Variants in SLC9A2 observed in about 807,000 individuals in gnomAD.
SLC9A2 encodes solute carrier family 9 member A2.
SLC9A2 carries 42 observed loss-of-function variants against 71.7 expected under a neutral mutation model. That is an observed-to-expected ratio of 0.59 (90% CI 0.46 to 0.76). The LOEUF is 0.76. SLC9A2 is among the 30% of genes least tolerant of loss of function. The probability of loss-of-function intolerance (pLI) is 0.00; values close to 1 mark genes in which losing one functional copy is unlikely to be tolerated. For missense variants in SLC9A2, 829 were observed against 1,017.4 expected (o/e 0.81, Z 2.52); for synonymous variants, 396 against 392.5 (o/e 1.01, Z -0.10).
In SLC9A2 at chr2:102,684,122, C is replaced by G. The variant is rs1677505243; in HGVS notation, c.1223-12C>G. 1 of 1,611,466 alleles carries G rather than the reference C, an allele frequency of 6.2e-7. No homozygotes were observed. Among genetic ancestry groups the G allele is most frequent in the Non-Finnish European group, 8.5e-7 (1 of 1,178,086 alleles). The stretch of plus-strand genomic sequence containing the variant: ...CCCAGTCTGTTTCCTCTTGGGTTTT[C>G]TTTCTTTGCAGGTGTTTTTGTCCTG... On this transcript the variant is annotated splice_polypyrimidine_tract_variant and intron_variant, in intron 4 of 11. Coordinates refer to ENST00000233969, the MANE Select transcript of SLC9A2 (RefSeq NM_003048.6).
At chr2:102,672,196 A>G (rs1677265614) in intron 3 of SLC9A2, among the ~76,000 whole-genome samples, 1 of 152,204 alleles carries the variant, frequency 6.6e-6, no homozygotes, top group African/African-American at 2.4e-5. Context: ...ATATCTCATT[A>G]GTAATTTCTA....
At chr2:102,696,843 A>G (rs1192908836) in intron 7 of SLC9A2, among the ~76,000 whole-genome samples, 2 of 152,146 alleles carry the variant, frequency 1.3e-5, no homozygotes, top group South Asian at 2.1e-4. Flanking sequence ...CTCCATTGTA[A>G]AACTATTTTT....
chr2:102,699,758 G>T (rs1677839511), intron 7 of SLC9A2, among the ~76,000 whole-genome samples: 1 of 152,132 alleles, frequency 6.6e-6, no homozygotes, highest in South Asian at 2.1e-4. Flanking sequence ...AGACAGCAAG[G>T]TGTCAGCAGG....
intron 5 of SLC9A2, among the ~76,000 whole-genome samples, chr2:102,687,594 C>A (rs982701485): frequency 5.3e-5 from 8 of 152,074 alleles, no homozygotes; most frequent in Non-Finnish European, 1.0e-4. Flanking sequence ...TAAGCTCTTC[C>A]AACCTGGTAC....
intron 1 of SLC9A2, among the ~76,000 whole-genome samples, chr2:102,651,618 T>C (rs796224322): frequency 1.3e-4 from 20 of 152,336 alleles, no homozygotes; most frequent in African/African-American, 4.8e-4. Context: ...AAAAGGATTC[T>C]CTCACTGCTC....
chr2:102,629,415 G>C (rs866523239), intron 1 of SLC9A2, among the ~76,000 whole-genome samples: 4 of 151,846 alleles, frequency 2.6e-5, no homozygotes, highest in Admixed American at 6.6e-5. Context: ...ACATTTTCCA[G>C]ATGTATATTT....
intron 2 of SLC9A2, among the ~76,000 whole-genome samples, chr2:102,661,966 G>A (rs977494765): frequency 3.9e-5 from 6 of 152,246 alleles, no homozygotes; most frequent in African/African-American, 1.4e-4. Flanking sequence ...ATGTGGTTTC[G>A]GCCAGTTGTA....
intron 4 of SLC9A2, 128 bp from the exon 5 acceptor site, chr2:102,684,006 G>T: frequency 1.5e-6 from 1 of 674,074 alleles, no homozygotes. Context: ...CAGAGAAAAA[G>T]GGGAAAGACT....
At chr2:102,707,291 C>A (rs911763165) in intron 11 of SLC9A2, among the ~76,000 whole-genome samples, 6 of 115,474 alleles carry the variant, frequency 5.2e-5, no homozygotes, top group Non-Finnish European at 1.1e-4. Flanking sequence ...AAATCATTAC[C>A]CCTCTTTTTT....
chr2:102,681,899 G>C (rs4851022), intron 3 of SLC9A2, among the ~76,000 whole-genome samples: 29,718 of 152,118 alleles, frequency 0.2, 3,373 homozygotes, highest in East Asian at 0.38. Context: ...GTGGTGACCT[G>C]TTTAGGTTTT....
intron 1 of SLC9A2, among the ~76,000 whole-genome samples, chr2:102,638,193 T>TC (rs1676507303): frequency 1.1e-3 from 3 of 2,688 alleles, no homozygotes; most frequent in Admixed American, 9.9e-3. Context: ...TGCTTCAGAC[T>TC]TTTCATGTTA....
At chr2:102,656,057 C>T (rs1445726730) in intron 1 of SLC9A2, among the ~76,000 whole-genome samples, 1 of 152,246 alleles carries the variant, frequency 6.6e-6, no homozygotes, top group Non-Finnish European at 1.5e-5. Flanking sequence ...AGAGGGGGGA[C>T]AGCCAAAGCG....
Position 102,708,832 on chromosome 2 carries a change from T to C in SLC9A2, c.*343T>C, listed in dbSNP as rs1251503898. On this transcript the variant is annotated 3_prime_UTR_variant, in exon 12 of 12. Transcript: ENST00000233969. ...GGTGAAGATTTTAATATATTACTTA[T>C]ATGCTTCAAATTTTATTTATGAAAA... 1.3e-5 allele frequency: 3 copies of C among 225,138 alleles called. No individual in the cohort carries two copies. Among genetic ancestry groups the C allele is most frequent in the Non-Finnish European group, 2.6e-5 (3 of 114,376 alleles). 13.9% of individuals were successfully genotyped at this position (225,138 alleles called of 1,614,324 possible). A position where few individuals can be genotyped will look rare whatever the true frequency, so the allele number is the denominator to read the frequency against.
intron 1 of SLC9A2, among the ~76,000 whole-genome samples, chr2:102,623,902 G>C (rs1676192840): frequency 6.6e-6 from 1 of 151,892 alleles, no homozygotes; most frequent in Admixed American, 6.6e-5. Context: ...ATTCAGAATA[G>C]TTTTCTAATA....
intron 5 of SLC9A2, 41 bp downstream of exon 5, chr2:102,684,377 C>T (rs551262624): frequency 2.6e-6 from 4 of 1,553,008 alleles, no homozygotes; most frequent in Admixed American, 1.7e-5. Flanking sequence ...TAAAAAATAT[C>T]GTTCAGAATA....
In SLC9A2 at chr2:102,682,854, C is replaced by T. The variant is rs146138196; in HGVS notation, c.1005-407C>T. ...AGTTTAGGATTTTATACAATAGAATCCTTTTAGATAATAGAGGAACAGGGC... is the reference window on the plus strand; with the variant it reads ...AGTTTAGGATTTTATACAATAGAATTCTTTTAGATAATAGAGGAACAGGGC... On this transcript the variant is annotated intron_variant, in intron 3 of 11. Coordinates refer to ENST00000233969, the MANE Select transcript of SLC9A2 (RefSeq NM_003048.6). 9.2e-3 allele frequency among the ~76,000 whole-genome samples: 1,394 copies of T among 152,178 alleles called. 30 individuals are homozygous for T. Among genetic ancestry groups the T allele is most frequent in the African/African-American group, 0.033 (1,350 of 41,500 alleles).
chr2:102,652,053 C>T (rs1676846919), intron 1 of SLC9A2, among the ~76,000 whole-genome samples: 1 of 152,166 alleles, frequency 6.6e-6, no homozygotes, highest in South Asian at 2.1e-4. Context: ...TGGGATCAAA[C>T]ATGGATCCAT....
rs2058610 is a variant in SLC9A2 at position 102,632,041 on chromosome 2, T to C, written c.289+11904T>C. On this transcript the variant is annotated intron_variant, in intron 1 of 11. Transcript: ENST00000233969. Reference sequence around the variant, plus strand: ...ATATATATATATATATATATATACATACACACACACATATATATACACACA... The same window carrying C: ...ATATATATATATATATATATATACACACACACACACATATATATACACACA... Among the ~76,000 whole-genome samples, 739 of 91,596 alleles carry C rather than the reference T, an allele frequency of 8.1e-3. 23 individuals are homozygous for C. Among genetic ancestry groups the C allele is most frequent in the African/African-American group, 0.03 (677 of 22,202 alleles). The allele number at this position is 91,596 out of a possible 152,430, so 60.1% of individuals were successfully genotyped here. A position where few individuals can be genotyped will look rare whatever the true frequency, so the allele number is the denominator to read the frequency against.
chr2:102,627,883 T>C (rs1676280407), intron 1 of SLC9A2, among the ~76,000 whole-genome samples: 1 of 152,186 alleles, frequency 6.6e-6, no homozygotes, highest in South Asian at 2.1e-4. Flanking sequence ...ACATAATTAA[T>C]ATTATTTTCA....
Sources: gnomAD v4.1 joint callset for allele counts (sites outside exome capture counted in the v4.1 genomes callset) on GRCh38, gnomAD v4.1.1 for gene constraint, MANE v1.5 for transcripts, NCBI Gene and HGNC (gene_info 2026-07-23, HGNC 2026-07-21) for gene names.